Variants in ANGPTL2 observed in about 807,000 individuals in gnomAD.
ANGPTL2 encodes the protein angiopoietin-related protein 2.
In ANGPTL2, 25 loss-of-function variants were observed where a neutral mutation model predicts 52.8. The observed-to-expected ratio is 0.47, with a 90% CI of 0.35 to 0.66. The LOEUF (loss-of-function observed/expected upper bound fraction) is 0.66. ANGPTL2 is among the 30% of genes least tolerant of loss of function. ANGPTL2 has a pLI of 0.01. For missense variants in ANGPTL2, 546 were observed against 656.9 expected, an observed-to-expected ratio of 0.83 and a Z score of 1.84; for synonymous variants, 276 against 277.4, an observed-to-expected ratio of 1.00 and a Z score of 0.05.
At chr9:127,119,483 G>A (rs924367309) in intron 1 of ANGPTL2, among the ~76,000 whole-genome samples, 1 of 152,200 alleles carries the variant, frequency 6.6e-6, no homozygotes, top group Non-Finnish European at 1.5e-5. Context: ...ACAGAGCTGG[G>A]TTCCAGTCCC....
At chr9:127,098,707 A>G (rs1311329062) in intron 2 of ANGPTL2, among the ~76,000 whole-genome samples, 1 of 152,148 alleles carries the variant, frequency 6.6e-6, no homozygotes, top group South Asian at 2.1e-4. Flanking sequence ...TTAGGCACAC[A>G]AGGACCATGG....
chr9:127,108,086 G>T lies in ANGPTL2; in HGVS notation c.646C>A (p.Pro216Thr). 1.2e-6 allele frequency: 2 copies of T among 1,610,616 alleles called. No homozygotes were observed. Among genetic ancestry groups the T allele is most frequent in the African/African-American group, 2.7e-5 (2 of 74,812 alleles). ...RVPSARPVPQ[P>T]PPAAPPRVYQ... ...ACCCGGGGCGGGGCAGCGGGGGGTG[G>T]CTGGGGGACGGGCCTGGCCGAGGGC... is the stretch of plus-strand genomic sequence containing the variant. Residue 216 changes from proline (P) to threonine (T), a missense_variant, in exon 2 of 5, where the codon CCA (proline) becomes ACA (threonine). By Grantham distance (38) the Pro-to-Thr change is conservative. Around this residue, in one of 2 missense-constraint regions of ANGPTL2, gnomAD observed 285 missense variants for 295.8 expected, o/e 0.96. Coordinates refer to ENST00000373425, the MANE Select transcript of ANGPTL2 (RefSeq NM_012098.3).
At position 127,088,651 on chromosome 9, in the gene ANGPTL2, T is replaced by C; in HGVS notation, c.*288A>G. 2.2e-6 allele frequency: 1 copy of C among 464,586 alleles called. No individual in the cohort carries two copies. The highest frequency in any genetic ancestry group is 3.9e-6 in the Non-Finnish European group (1 of 256,716). The allele number at this position is 464,586 out of a possible 1,614,324, so 28.8% of individuals were successfully genotyped here. A position where few individuals can be genotyped will look rare whatever the true frequency, so the allele number is the denominator to read the frequency against. On this transcript the variant is annotated 3_prime_UTR_variant, in exon 5 of 5. Transcript: ENST00000373425. ...ATATTATGAAGGTACTTTGCAGTTG[T>C]GTTTTTATTGTAGAGACTTAATTTA...
chr9:127,097,984 TG>T (rs2053321332), intron 2 of ANGPTL2, among the ~76,000 whole-genome samples: 1 of 152,254 alleles, frequency 6.6e-6, no homozygotes, highest in Non-Finnish European at 1.5e-5. Flanking sequence ...GGGAGCCAGC[TG>T]GGGCAGGTGC....
In ANGPTL2 at chr9:127,091,354, A is replaced by G. The variant is rs1418787836; in HGVS notation, c.1282+316T>C. Among the ~76,000 whole-genome samples, 2 of 152,240 alleles carry G rather than the reference A, an allele frequency of 1.3e-5. No homozygotes were observed. Among genetic ancestry groups the G allele is most frequent in the Non-Finnish European group, 2.9e-5 (2 of 68,046 alleles). ...CCAGGTGCCTGGGACAGAAGTGGTG[A>G]GGCCACAGCCCAACACATGTCTTTC... On this transcript the variant is annotated intron_variant, in intron 4 of 4. Coordinates refer to ENST00000373425, the MANE Select transcript of ANGPTL2 (RefSeq NM_012098.3). This position sits in a 1 kb window ranked among gnomAD's most constrained non-coding sequence, Gnocchi z 4.3.
intron 2 of ANGPTL2, 60 bp from the exon 3 acceptor site, chr9:127,093,986 G>A: frequency 6.4e-7 from 1 of 1,565,790 alleles, no homozygotes; most frequent in Non-Finnish European, 8.7e-7. Flanking sequence ...CGCACCCCCA[G>A]CTGCACCCCA....
At chr9:127,107,813 G>C in intron 2 of ANGPTL2, 102 bp downstream of exon 2, 1 of 1,244,386 alleles carries the variant, frequency 8.0e-7, no homozygotes, top group Non-Finnish European at 1.1e-6. Flanking sequence ...CTTTGGCCTG[G>C]CTTCAACTGG....
chr9:127,108,713 T>C lies in ANGPTL2; in HGVS notation c.19A>G (p.Thr7Ala). ...GCCAGCAGTCCGAGCCACCAGCATG[T>C]CACGCACAGTGGCCTCATGGTCCTT... MRPLCVTCWWLGLLAAM... is the reference protein window; with the variant it reads MRPLCVACWWLGLLAAM... The change falls in exon 2 of 5, where the codon ACA becomes GCA. Residue 7 changes from threonine (T) to alanine (A), a missense_variant. Thr to Ala is a moderately conservative substitution (Grantham distance 58). This residue lies in a region of ANGPTL2 where 285 missense variants were observed against 295.8 expected (regional missense o/e 0.96). Transcript: ENST00000373425. 6.2e-7 allele frequency: 1 copy of C among 1,608,724 alleles called. No individual in the cohort carries two copies. Among genetic ancestry groups the C allele is most frequent in the African/African-American group, 1.3e-5 (1 of 74,886 alleles).
In ANGPTL2 at chr9:127,096,905, G is replaced by A. The variant is rs7863643; in HGVS notation, c.818-2979C>T. Among the ~76,000 whole-genome samples, 1,452 of 152,312 alleles carry A rather than the reference G, an allele frequency of 9.5e-3. 26 individuals are homozygous for A. The highest frequency in any genetic ancestry group is 0.033 in the African/African-American group (1,384 of 41,566). The stretch of plus-strand genomic sequence containing the variant: ...GGTGACCCTCCTGACACTCCTGTGA[G>A]GTAGGAAAGCAGACCCTGTGGTCAT... On this transcript the variant is annotated intron_variant, in intron 2 of 4. Coordinates refer to ENST00000373425, the MANE Select transcript of ANGPTL2 (RefSeq NM_012098.3).
At chr9:127,100,848 T>C (rs1277001058) in intron 2 of ANGPTL2, among the ~76,000 whole-genome samples, 1 of 152,258 alleles carries the variant, frequency 6.6e-6, no homozygotes, top group African/African-American at 2.4e-5. Context: ...AGAACCTATG[T>C]CGGCTTTCAT....
intron 1 of ANGPTL2, among the ~76,000 whole-genome samples, chr9:127,111,266 A>T (rs2054783208): frequency 6.6e-6 from 1 of 151,598 alleles, no homozygotes; most frequent in South Asian, 2.1e-4. Context: ...TCTCAGTTAG[A>T]CCCTCCCTGC....
At chr9:127,089,973 G>T (rs1350247471) in intron 4 of ANGPTL2, among the ~76,000 whole-genome samples, 1 of 152,222 alleles carries the variant, frequency 6.6e-6, no homozygotes, top group African/African-American at 2.4e-5. Flanking sequence ...GGGTTGGAGG[G>T]CCCAACAGAG....
chr9:127,099,402 C>G (rs2053495578), intron 2 of ANGPTL2, among the ~76,000 whole-genome samples: 1 of 152,198 alleles, frequency 6.6e-6, no homozygotes, highest in African/African-American at 2.4e-5. Context: ...TTACCACTCC[C>G]TGAAACATTT....
chr9:127,103,862 C>T (rs750295149), intron 2 of ANGPTL2, among the ~76,000 whole-genome samples: 1 of 152,184 alleles, frequency 6.6e-6, no homozygotes, highest in Non-Finnish European at 1.5e-5. Flanking sequence ...GTGATTTTTA[C>T]ACCAGTTCCC....
chr9:127,105,534 G>A (rs2054135960), intron 2 of ANGPTL2, among the ~76,000 whole-genome samples: 1 of 152,214 alleles, frequency 6.6e-6, no homozygotes, highest in Non-Finnish European at 1.5e-5. Context: ...CAACAAAGAA[G>A]TGCCACGTCT....
At chr9:127,094,599 A>G (rs569041482) in intron 2 of ANGPTL2, among the ~76,000 whole-genome samples, 5 of 152,354 alleles carry the variant, frequency 3.3e-5, no homozygotes, top group South Asian at 4.1e-4. Context: ...TATTTCTGCA[A>G]TTCATTCACT....
intron 3 of ANGPTL2, 72 bp downstream of exon 3, chr9:127,093,661 G>T: frequency 6.4e-7 from 1 of 1,559,604 alleles, no homozygotes. Flanking sequence ...CTCTTCTATT[G>T]GTTGCTCAGG....
chr9:127,092,313 C>T (rs1189072464), intron 3 of ANGPTL2, among the ~76,000 whole-genome samples: 7 of 152,332 alleles, frequency 4.6e-5, no homozygotes, highest in Middle Eastern at 3.4e-3. Flanking sequence ...CACTGAGCTT[C>T]ACCTCCTTCT....
chr9:127,121,940 C>T (rs2056140621), intron 1 of ANGPTL2, among the ~76,000 whole-genome samples: 1 of 152,236 alleles, frequency 6.6e-6, no homozygotes, highest in South Asian at 2.1e-4. Flanking sequence ...TGGGCCACCC[C>T]TGCCTTCTGC....
Sources: gnomAD v4.1 joint callset for allele counts (sites outside exome capture counted in the v4.1 genomes callset) on GRCh38, gnomAD v4.1.1 for gene constraint, gnomAD v4.1.1 regional missense constraint, Gnocchi (gnomAD v3.1) non-coding constraint, MANE v1.5 for transcripts, NCBI Gene and HGNC (gene_info 2026-07-23, HGNC 2026-07-21) for gene names.